LPP: variants seen among roughly 807,000 people sequenced by gnomAD.
LPP encodes lipoma-preferred partner.
Under a neutral mutation model 60.4 loss-of-function variants are expected in LPP, and 38 were observed. That is an observed-to-expected ratio of 0.63 (90% CI 0.49 to 0.83). The LOEUF (loss-of-function observed/expected upper bound fraction) is 0.83, where lower values mean the gene tolerates loss of function less well. LPP is among the 40% of genes least tolerant of loss of function. The pLI, the probability that LPP is intolerant of heterozygous loss-of-function variation, is 0.00. For synonymous variants in LPP, 328 were observed against 290.8 expected (o/e 1.13, Z -1.30); for missense variants, 902 against 783.6 (o/e 1.15, Z -1.80).
At position 188,756,997 on chromosome 3, in the gene LPP, T is replaced by G. The variant is rs145345084; in HGVS notation, c.1241-3116T>G. ...TGGTATCCAAGCCATAGTCACTCAT[T>G]CTCTCCGTGAGGGAAAACTAGAATG... On this transcript the variant is annotated intron_variant, in intron 8 of 11. Transcript: ENST00000617246. 9.0e-4 allele frequency among the ~76,000 whole-genome samples: 137 copies of G among 152,338 alleles called. 4 individuals are homozygous for G. The highest frequency in any genetic ancestry group is 8.8e-5 in the Non-Finnish European group (6 of 68,016).
At chr3:188,861,714 G>A (rs1019996597) in intron 9 of LPP, among the ~76,000 whole-genome samples, 1 of 152,036 alleles carries the variant, frequency 6.6e-6, no homozygotes, top group Non-Finnish European at 1.5e-5. Context: ...CTACCCCATT[G>A]TATCTCTGAC....
At chr3:188,545,843 G>A (rs925062975) in intron 6 of LPP, among the ~76,000 whole-genome samples, 4 of 152,076 alleles carry the variant, frequency 2.6e-5, no homozygotes, top group Non-Finnish European at 2.9e-5. Context: ...AGGTCCACCT[G>A]GGCTCAAAGA....
intron 7 of LPP, among the ~76,000 whole-genome samples, chr3:188,678,756 T>C (rs1858721653): frequency 6.6e-6 from 1 of 152,210 alleles, no homozygotes; most frequent in African/African-American, 2.4e-5. Flanking sequence ...AAGACCTAGA[T>C]CTTGCCCTTA....
At chr3:188,603,350 GTT>G (rs11308827) in intron 6 of LPP, among the ~76,000 whole-genome samples, 1,734 of 148,072 alleles carry the variant, frequency 0.012, 26 homozygotes, top group African/African-American at 0.038. Flanking sequence ...GAATTTTGTG[GTT>G]TTTTTTTTTT....
chr3:188,362,593 G>A (rs1413612611), intron 3 of LPP, among the ~76,000 whole-genome samples: 1 of 152,022 alleles, frequency 6.6e-6, no homozygotes, highest in African/African-American at 2.4e-5. Context: ...TTATTTCCCT[G>A]TAGTGATTAG....
chr3:188,259,062 AG>A (rs1732671192), intron 2 of LPP, among the ~76,000 whole-genome samples: 1 of 152,174 alleles, frequency 6.6e-6, no homozygotes, highest in South Asian at 2.1e-4. Context: ...TCAACACAGA[AG>A]GGGTGTATTT....
chr3:188,607,771 C>A (rs958625180), intron 6 of LPP, among the ~76,000 whole-genome samples: 2 of 151,980 alleles, frequency 1.3e-5, no homozygotes, highest in Admixed American at 6.6e-5. Flanking sequence ...CAAAATTCAC[C>A]TATTTTGAAA....
intron 7 of LPP, among the ~76,000 whole-genome samples, chr3:188,638,958 T>C (rs1849450881): frequency 6.6e-6 from 1 of 152,060 alleles, no homozygotes; most frequent in African/African-American, 2.4e-5. Context: ...ATTTATAGAT[T>C]CAATGCCATC....
chr3:188,610,036 T>C lies in LPP; in HGVS notation c.1113+192T>C, dbSNP rs1445752690. Among the ~76,000 whole-genome samples the C allele has an allele frequency of 6.6e-6, 1 of 152,188 alleles. No homozygotes were observed. Among genetic ancestry groups the C allele is most frequent in the Non-Finnish European group, 1.5e-5 (1 of 68,034 alleles). On this transcript the variant is annotated intron_variant, in intron 7 of 11. Coordinates refer to ENST00000617246, the MANE Select transcript of LPP (RefSeq NM_001375462.1). This position sits in a 1 kb window ranked among gnomAD's most constrained non-coding sequence, Gnocchi z 4.4. ...TAGTATGTTACTAATATGGCCACTG[T>C]TTAGTATCAAATGGAATTGCTTGCT... is the stretch of plus-strand genomic sequence containing the variant.
chr3:188,672,086 A>G (rs190496456), intron 7 of LPP, among the ~76,000 whole-genome samples: 1 of 152,340 alleles, frequency 6.6e-6, no homozygotes, highest in Non-Finnish European at 1.5e-5. Context: ...TCTTGCTCAC[A>G]CTTGAGGTAT....
At chr3:188,670,246 G>A (rs992136433) in intron 7 of LPP, among the ~76,000 whole-genome samples, 1 of 151,998 alleles carries the variant, frequency 6.6e-6, no homozygotes, top group African/African-American at 2.4e-5. Flanking sequence ...AGAACGTAAA[G>A]TATAATAATA....
chr3:188,325,314 A>G (rs114218515), intron 2 of LPP, among the ~76,000 whole-genome samples: 1,634 of 152,124 alleles, frequency 0.011, 18 homozygotes, highest in Admixed American at 0.016. Context: ...ATCACTTTAC[A>G]CAGTAATCTG....
rs1553936328 is a variant in LPP at position 188,592,553 on chromosome 3, T to TTTTTTTTTTTGTTTG, written c.430-16605_430-16604insTTTTTTTGTTTGTTT. Among the ~76,000 whole-genome samples the TTTTTTTTTTTGTTTG allele has an allele frequency of 1.6e-3, 189 of 121,322 alleles. 7 individuals are homozygous for TTTTTTTTTTTGTTTG. The highest frequency in any genetic ancestry group is 3.3e-3 in the South Asian group (10 of 3,040). 79.6% of individuals were successfully genotyped at this position (121,322 alleles called of 152,430 possible). ...TGAGTATCACTGTTTTTAGTTTTGT[T>TTTTTTTTTTTGTTTG]TTTGTTTTTTAAATGGAGTCTCACT... is the stretch of plus-strand genomic sequence containing the variant. On this transcript the variant is annotated intron_variant, in intron 6 of 11. Coordinates refer to ENST00000617246, the MANE Select transcript of LPP (RefSeq NM_001375462.1).
intron 3 of LPP, among the ~76,000 whole-genome samples, chr3:188,394,551 A>AGTGT (rs1209092729): frequency 0.077 from 11,257 of 146,866 alleles, 754 homozygotes; most frequent in East Asian, 0.25. Context: ...AAATATCTAA[A>AGTGT]GTGTGTGTGT....
chr3:188,506,086 G>T (rs1406211262), intron 5 of LPP, among the ~76,000 whole-genome samples: 1 of 151,964 alleles, frequency 6.6e-6, no homozygotes, highest in Non-Finnish European at 1.5e-5. Flanking sequence ...ATTTTTAGAA[G>T]CCTAACTCTA....
chr3:188,495,064 T>TTATATATATATATATATATA (rs1192152538), intron 5 of LPP, among the ~76,000 whole-genome samples: 4,489 of 53,630 alleles, frequency 0.084, 503 homozygotes, highest in Non-Finnish European at 0.095. Context: ...GTTCAGGATT[T>TTATATATATATATATATATA]TATATATATA....
chr3:188,625,331 C>G (rs1268816785), intron 7 of LPP, among the ~76,000 whole-genome samples: 1 of 152,126 alleles, frequency 6.6e-6, no homozygotes, highest in East Asian at 1.9e-4. Flanking sequence ...AGGACTTTAA[C>G]AAAAATCCAT....
At chr3:188,312,199 G>T (rs1430457650) in intron 2 of LPP, among the ~76,000 whole-genome samples, 1 of 151,742 alleles carries the variant, frequency 6.6e-6, no homozygotes, top group Admixed American at 6.6e-5. Context: ...ATATTCCAGT[G>T]TATATAAATA....
intron 9 of LPP, among the ~76,000 whole-genome samples, chr3:188,855,935 T>C (rs1335853047): frequency 6.6e-6 from 1 of 152,210 alleles, no homozygotes; most frequent in Non-Finnish European, 1.5e-5. Flanking sequence ...TAACCATCTA[T>C]GTCAGCAATT....
Sources: gnomAD v4.1 joint callset for allele counts (sites outside exome capture counted in the v4.1 genomes callset) on GRCh38, gnomAD v4.1.1 for gene constraint, Gnocchi (gnomAD v3.1) non-coding constraint, MANE v1.5 for transcripts, NCBI Gene and HGNC (gene_info 2026-07-23, HGNC 2026-07-21) for gene names.